Variants in SLC5A10 observed in about 807,000 individuals in gnomAD.
SLC5A10 encodes the protein solute carrier family 5 member 10.
A neutral mutation model predicts 68.9 loss-of-function variants in SLC5A10; 55 were observed. The ratio of observed to expected loss-of-function variants is 0.80; its 90% CI spans 0.64 to 1.00. The LOEUF (loss-of-function observed/expected upper bound fraction) is 1.00, where lower values mean the gene tolerates loss of function less well. Ranked by LOEUF, SLC5A10 falls within the 50% of genes least tolerant of loss-of-function variation. SLC5A10 has a pLI of 0.00. For missense variants in SLC5A10, 732 were observed against 819.3 expected (o/e 0.89, Z 1.30); for synonymous variants, 344 against 344.8 (o/e 1.00, Z 0.02).
intron 9 of SLC5A10, among the ~76,000 whole-genome samples, chr17:18,994,062 T>C (rs1041853392): frequency 1.2e-4 from 19 of 152,110 alleles, no homozygotes; most frequent in Non-Finnish European, 2.9e-5. Flanking sequence ...TGGAAGGCTG[T>C]AAGTGACGCA....
rs1173695440 is a variant in SLC5A10 at position 18,968,142 on chromosome 17, G to A, written c.454-910G>A. On this transcript the variant is annotated intron_variant, in intron 5 of 14. Coordinates refer to ENST00000395645, the MANE Select transcript of SLC5A10 (RefSeq NM_001042450.4). The surrounding 1 kb of genome is among the most constrained non-coding windows in gnomAD (Gnocchi z 4.1). ...CCTGGGGGAGCTCAAAGGGGCCTGGGGCCTGCACTTCCTGGGCCTCGTGCA... is the reference window on the plus strand; with the variant it reads ...CCTGGGGGAGCTCAAAGGGGCCTGGAGCCTGCACTTCCTGGGCCTCGTGCA... Among the ~76,000 whole-genome samples the A allele has an allele frequency of 1.3e-5, 2 of 152,166 alleles. No homozygotes were observed. Among genetic ancestry groups the A allele is most frequent in the Non-Finnish European group, 1.5e-5 (1 of 68,022 alleles).
At chr17:19,010,831 C>T (rs763027604) in intron 9 of SLC5A10, among the ~76,000 whole-genome samples, 10 of 152,142 alleles carry the variant, frequency 6.6e-5, no homozygotes, top group South Asian at 2.1e-4. Context: ...GTCTTGGATC[C>T]GACTGTGTCC....
chr17:19,019,313 C>A, intron 11 of SLC5A10, 110 bp from the exon 12 acceptor site: 1 of 1,346,720 alleles, frequency 7.4e-7, no homozygotes, highest in Non-Finnish European at 1.0e-6. Flanking sequence ...GAGGCTGGAG[C>A]TGGGGTAGCA....
Position 18,988,166 on chromosome 17 carries a change from AGG to A in SLC5A10, c.982+11178_982+11179del, listed in dbSNP as rs2043316419. On this transcript the variant is annotated intron_variant, in intron 9 of 14. Coordinates refer to ENST00000395645, the MANE Select transcript of SLC5A10 (RefSeq NM_001042450.4). ...CCTGGCACAGGACTCCGTCCAGAGC[AGG>A]CAGGTACTCGAAGTGTTTGTTGACA... The A allele has an allele frequency of 3.2e-6, 5 of 1,549,882 alleles. No homozygotes were observed. In the Admixed American group the frequency reaches 8.7e-5, roughly 27 times the overall value.
rs529272458 is a variant in SLC5A10, at chr17:19,013,459, C to G, written c.1032C>G (p.Ala344=). 2.5e-6 allele frequency: 4 copies of G among 1,603,778 alleles called. No homozygotes were observed. Among genetic ancestry groups the G allele is most frequent in the South Asian group, 1.1e-5 (1 of 89,970 alleles). ...CCGAGTGCCTGCGGGCCTGCGGGGCCGAGGTCGGCTGCTCCAACATCGCCT... is the reference window on the plus strand; with the variant it reads ...CCGAGTGCCTGCGGGCCTGCGGGGCGGAGGTCGGCTGCTCCAACATCGCCT... The part of the protein sequence containing the change: ...VPSECLRACG[A]EVGCSNIAYP... Residue 344 remains alanine (A), a synonymous_variant, in exon 10 of 15, where the codon GCC becomes GCG. Transcript: ENST00000395645.
At chr17:18,959,534 G>A (rs1034962582) in intron 3 of SLC5A10, 70 bp from the exon 4 acceptor site, 5 of 1,540,794 alleles carry the variant, frequency 3.2e-6, no homozygotes, top group Non-Finnish European at 4.5e-6. Context: ...TCCCAGCCAT[G>A]TCTGCTTTGT....
In SLC5A10 at chr17:18,965,292, C is replaced by T. The variant is rs76172946; in HGVS notation, c.454-3760C>T. Among the ~76,000 whole-genome samples the T allele has an allele frequency of 5.4e-3, 819 of 152,114 alleles. 8 individuals carry two copies. Among genetic ancestry groups the T allele is most frequent in the African/African-American group, 0.019 (779 of 41,462 alleles). ...CGGGGAGTGTGGCAAAGGGGAGCCC[C>T]GGAGGACGGTGATGGCCTCCATGGA... On this transcript the variant is annotated intron_variant, in intron 5 of 14. Transcript: ENST00000395645.
chr17:18,959,742 TG>T, intron 4 of SLC5A10, 79 bp downstream of exon 4: 1 of 1,320,670 alleles, frequency 7.6e-7, no homozygotes. Flanking sequence ...AGGACCACCG[TG>T]GCCTCACATC....
At chr17:18,965,489 G>A (rs529604334) in intron 5 of SLC5A10, among the ~76,000 whole-genome samples, 13 of 152,344 alleles carry the variant, frequency 8.5e-5, no homozygotes, top group East Asian at 3.9e-4. Context: ...GGCCCAGGCC[G>A]GGCAGCCAGA....
In SLC5A10 at chr17:19,020,173, T is replaced by C; in HGVS notation, c.1645T>C (p.Trp549Arg). The stretch of plus-strand genomic sequence containing the variant: ...CTTACAGATTGAGAACCTTACCTGG[T>C]GGACCCTGGCTCAGGATGTGCCCTT... Reference protein sequence around the residue: ...QSVQIENLTWWTLAQDVPLGT... With the variant: ...QSVQIENLTWRTLAQDVPLGT... Residue 549 changes from tryptophan (W) to arginine (R), a missense_variant, in exon 14 of 15, where the codon TGG becomes CGG. By Grantham distance (101) the Trp-to-Arg change is moderately radical. Transcript: ENST00000395645. The C allele has an allele frequency of 1.3e-6, 2 of 1,507,480 alleles. No individual in the cohort carries two copies. The highest frequency in any genetic ancestry group is 5.7e-5 in the East Asian group (2 of 35,006). The allele number at this position is 1,507,480 out of a possible 1,614,324, so 93.4% of individuals were successfully genotyped here. A position where few individuals can be genotyped will look rare whatever the true frequency, so the allele number is the denominator to read the frequency against.
chr17:18,995,301 A>G (rs1327400999), intron 9 of SLC5A10, among the ~76,000 whole-genome samples: 1 of 152,224 alleles, frequency 6.6e-6, no homozygotes, highest in Middle Eastern at 3.2e-3. Context: ...TTTTTAGCCA[A>G]CAAATCGAAA....
At chr17:18,978,763 C>T in intron 9 of SLC5A10, 1 of 1,612,984 alleles carries the variant, frequency 6.2e-7, no homozygotes, top group Non-Finnish European at 8.5e-7. Flanking sequence ...GGTACAGCTC[C>T]TGGAACTGCC....
intron 9 of SLC5A10, among the ~76,000 whole-genome samples, chr17:18,990,960 A>G (rs1361849505): frequency 2.6e-5 from 4 of 152,180 alleles, no homozygotes; most frequent in Non-Finnish European, 5.9e-5. Context: ...TCCCACCCAG[A>G]GCACCTTCTG....
intron 1 of SLC5A10, among the ~76,000 whole-genome samples, chr17:18,955,740 A>T (rs1181370870): frequency 6.6e-6 from 1 of 152,156 alleles, no homozygotes; most frequent in Non-Finnish European, 1.5e-5. Flanking sequence ...AAGTGGTGGG[A>T]GTTGGAGCTG....
rs1431237049 is a variant in SLC5A10 at position 18,960,614 on chromosome 17, G to A, written c.415G>A (p.Val139Ile). The A allele has an allele frequency of 6.2e-7, 1 of 1,614,152 alleles. No individual in the cohort carries two copies. Among genetic ancestry groups the A allele is most frequent in the East Asian group, 2.2e-5 (1 of 44,890 alleles). Reference sequence around the variant, plus strand: ...CCAGCGGATCCGCATGTACCTGTCTGTCCTGTCCCTGCTACTGTCTGTCTT... The same window carrying A: ...CCAGCGGATCCGCATGTACCTGTCTATCCTGTCCCTGCTACTGTCTGTCTT... Reference protein sequence around the residue: ...GGQRIRMYLSVLSLLLSVFTK... With the variant: ...GGQRIRMYLSILSLLLSVFTK... Residue 139 changes from valine (V) to isoleucine (I), a missense_variant, in exon 5 of 15, where the codon GTC becomes ATC. Physicochemically the swap from Val to Ile is conservative, Grantham distance 29 (BLOSUM62 3). Coordinates refer to ENST00000395645, the MANE Select transcript of SLC5A10 (RefSeq NM_001042450.4).
In SLC5A10 at chr17:19,015,215, C is replaced by A; in HGVS notation, c.1241+16C>A. The A allele has an allele frequency of 1.5e-5, 19 of 1,299,140 alleles. No individual in the cohort carries two copies. Among genetic ancestry groups the A allele is most frequent in the South Asian group, 2.7e-5 (2 of 74,858 alleles). 80.5% of individuals were successfully genotyped at this position (1,299,140 alleles called of 1,614,324 possible). A position where few individuals can be genotyped will look rare whatever the true frequency, so the allele number is the denominator to read the frequency against. Reference sequence around the variant, plus strand: ...TGGTGGGACGGTACGGGGGTGGGGGCCAGTACGGGGGTGGGGGAACACTAC... The same window carrying A: ...TGGTGGGACGGTACGGGGGTGGGGGACAGTACGGGGGTGGGGGAACACTAC... On this transcript the variant is annotated intron_variant, in intron 11 of 14. Coordinates refer to ENST00000395645, the MANE Select transcript of SLC5A10 (RefSeq NM_001042450.4).
chr17:18,969,040 C>T lies in SLC5A10; in HGVS notation c.454-12C>T. On this transcript the variant is annotated splice_polypyrimidine_tract_variant and intron_variant, in intron 5 of 14. Transcript: ENST00000395645. ...GAATAACAGTCCCACACAAGGCTCT[C>T]TCCCTCCGCAGCTGGACCTGTACGC... 6.2e-7 allele frequency: 1 copy of T among 1,609,494 alleles called. No individual in the cohort carries two copies. Among genetic ancestry groups the T allele is most frequent in the Non-Finnish European group, 8.5e-7 (1 of 1,177,802 alleles).
At chr17:18,959,763 T>C in intron 4 of SLC5A10, 100 bp downstream of exon 4, 1 of 1,075,110 alleles carries the variant, frequency 9.3e-7, no homozygotes, top group Non-Finnish European at 1.4e-6. Flanking sequence ...CAGGAGTTGG[T>C]AAACTCTTAG....
At chr17:19,013,549 G>A (rs1412182366) in intron 10 of SLC5A10, 32 bp downstream of exon 10, 2 of 1,412,546 alleles carry the variant, frequency 1.4e-6, no homozygotes, top group South Asian at 2.5e-5. Context: ...TCTGGGTGGA[G>A]GGCGTGGGGT....
Sources: gnomAD v4.1 joint callset for allele counts (sites outside exome capture counted in the v4.1 genomes callset) on GRCh38, gnomAD v4.1.1 for gene constraint, Gnocchi (gnomAD v3.1) non-coding constraint, MANE v1.5 for transcripts, NCBI Gene and HGNC (gene_info 2026-07-23, HGNC 2026-07-21) for gene names.